Variants in KCNIP1 observed in about 807,000 individuals in gnomAD.
The protein encoded by KCNIP1 is A-type potassium channel modulatory protein KCNIP1.
KCNIP1 carries 18 observed loss-of-function variants against 33.0 expected under a neutral mutation model. The ratio of observed to expected loss-of-function variants is 0.55; its 90% CI spans 0.38 to 0.81. The LOEUF is 0.81. Ranked by LOEUF, KCNIP1 falls within the 30% of genes least tolerant of loss-of-function variation. KCNIP1 has a pLI of 0.00. For synonymous variants in KCNIP1, 93 were observed against 98.3 expected (o/e 0.95, Z 0.32); for missense variants, 238 against 271.6 (o/e 0.88, Z 0.87).
intron 1 of KCNIP1, among the ~76,000 whole-genome samples, chr5:170,434,072 A>G (rs1755804590): frequency 6.6e-6 from 1 of 152,210 alleles, no homozygotes; most frequent in African/African-American, 2.4e-5. Context: ...AAGAAAAGTG[A>G]CCAAAGCTGA....
chr5:170,731,163 C>T (rs987716725), intron 5 of KCNIP1, among the ~76,000 whole-genome samples: 2 of 152,176 alleles, frequency 1.3e-5, no homozygotes, highest in Admixed American at 6.5e-5. Flanking sequence ...GGAAACTTGA[C>T]AGACACCACC....
exon 1 of KCNIP1, chr5:170,353,756 C>A: frequency 2.4e-6 from 2 of 843,124 alleles, no homozygotes; most frequent in Non-Finnish European, 3.8e-6. Context: ...AGCCTGGCTT[C>A]AGGGGTGCAT....
intron 1 of KCNIP1, among the ~76,000 whole-genome samples, chr5:170,461,164 C>T (rs538895495): frequency 2.9e-4 from 44 of 152,264 alleles, no homozygotes; most frequent in Non-Finnish European, 4.9e-4. Flanking sequence ...TCATAGATGA[C>T]ACAGACAAAT....
At chr5:170,468,984 T>C (rs1279981560) in intron 1 of KCNIP1, among the ~76,000 whole-genome samples, 1 of 152,080 alleles carries the variant, frequency 6.6e-6, no homozygotes, top group African/African-American at 2.4e-5. Flanking sequence ...TCATTACAAG[T>C]TCCTTGTGTT....
At chr5:170,707,338 G>A (rs4349730) in intron 1 of KCNIP1, among the ~76,000 whole-genome samples, 37,463 of 152,002 alleles carry the variant, frequency 0.25, 5,894 homozygotes, top group East Asian at 0.82. Flanking sequence ...GTGAGGGCAC[G>A]TGAGAGTCCC....
At chr5:170,397,771 G>C (rs1754799033) in intron 1 of KCNIP1, among the ~76,000 whole-genome samples, 2 of 152,198 alleles carry the variant, frequency 1.3e-5, no homozygotes, top group Non-Finnish European at 2.9e-5. Flanking sequence ...GAGACCTTGA[G>C]AATATGTGCC....
chr5:170,647,734 A>G (rs1324103053), intron 1 of KCNIP1, among the ~76,000 whole-genome samples: 4 of 152,238 alleles, frequency 2.6e-5, no homozygotes, highest in African/African-American at 9.6e-5. Context: ...CTTTCTAGAT[A>G]TAACACCAAA....
At chr5:170,693,062 T>C (rs1762773506) in intron 1 of KCNIP1, among the ~76,000 whole-genome samples, 1 of 152,254 alleles carries the variant, frequency 6.6e-6, no homozygotes, top group Non-Finnish European at 1.5e-5. Flanking sequence ...AGTAGAAATT[T>C]GGTGTCCCCA....
At chr5:170,429,335 C>T (rs1755689141) in intron 1 of KCNIP1, among the ~76,000 whole-genome samples, 1 of 152,100 alleles carries the variant, frequency 6.6e-6, no homozygotes, top group Non-Finnish European at 1.5e-5. Context: ...GGAGGCTCAC[C>T]ACAGTCCTAC....
At chr5:170,644,969 G>A (rs4868005) in intron 1 of KCNIP1, among the ~76,000 whole-genome samples, 4 of 152,090 alleles carry the variant, frequency 2.6e-5, no homozygotes, top group African/African-American at 9.7e-5. Flanking sequence ...CTCTCTTGCC[G>A]CAAGGGTCCA....
chr5:170,521,291 A>G lies in KCNIP1; in HGVS notation c.61+16658A>G, dbSNP rs190792534. ...TGCTTCAAGCAGTCACTACCAGTTG[A>G]ACATAGTTGACATGGAAGATAGATG... On this transcript the variant is annotated intron_variant, in intron 1 of 7. Transcript: ENST00000328939. Among the ~76,000 whole-genome samples, 4 of 152,312 alleles carry G rather than the reference A, an allele frequency of 2.6e-5. No individual in the cohort carries two copies. The East Asian group carries it at 7.7e-4, about 29-fold the overall frequency.
At chr5:170,570,193 T>G (rs1757352995) in intron 1 of KCNIP1, among the ~76,000 whole-genome samples, 1 of 152,212 alleles carries the variant, frequency 6.6e-6, no homozygotes, top group African/African-American at 2.4e-5. Context: ...TCACACTCCC[T>G]TATAAAATCC....
At chr5:170,524,066 G>A (rs1195634106) in intron 1 of KCNIP1, among the ~76,000 whole-genome samples, 2 of 152,102 alleles carry the variant, frequency 1.3e-5, no homozygotes, top group Non-Finnish European at 2.9e-5. Context: ...TCTTGTGGTG[G>A]CCTCCTCCCT....
At chr5:170,469,019 A>C (rs991420027) in intron 1 of KCNIP1, among the ~76,000 whole-genome samples, 1 of 152,204 alleles carries the variant, frequency 6.6e-6, no homozygotes, top group Non-Finnish European at 1.5e-5. Context: ...TTATTTGCAT[A>C]AGCATAGAAT....
intron 1 of KCNIP1, among the ~76,000 whole-genome samples, chr5:170,495,773 G>A (rs983611680): frequency 6.6e-6 from 1 of 152,226 alleles, no homozygotes; most frequent in Non-Finnish European, 1.5e-5. Context: ...GTGGTCACAG[G>A]AAATAACAGA....
intron 1 of KCNIP1, among the ~76,000 whole-genome samples, chr5:170,530,262 A>G (rs1351715303): frequency 1.3e-5 from 2 of 152,198 alleles, no homozygotes; most frequent in East Asian, 1.9e-4. Flanking sequence ...CAGGATTATT[A>G]TTGTTGGTAA....
intron 1 of KCNIP1, among the ~76,000 whole-genome samples, chr5:170,552,630 C>A (rs528296835): frequency 6.6e-6 from 1 of 152,224 alleles, no homozygotes; most frequent in African/African-American, 2.4e-5. Flanking sequence ...GTGGTTGGAC[C>A]ACAGGAAATG....
At chr5:170,549,076 G>C (rs1315192307) in intron 1 of KCNIP1, among the ~76,000 whole-genome samples, 1 of 152,036 alleles carries the variant, frequency 6.6e-6, no homozygotes, top group Non-Finnish European at 1.5e-5. Flanking sequence ...AAGCTCTTCT[G>C]CCTTCACTCC....
chr5:170,731,693 CA>C (rs1162447420), intron 5 of KCNIP1, among the ~76,000 whole-genome samples: 140 of 96,744 alleles, frequency 1.4e-3, no homozygotes, highest in East Asian at 2.6e-3. Context: ...GAACCTGTCT[CA>C]AAAAAAAAAA....
Sources: gnomAD v4.1 joint callset for allele counts (sites outside exome capture counted in the v4.1 genomes callset) on GRCh38, gnomAD v4.1.1 for gene constraint, MANE v1.5 for transcripts, NCBI Gene and HGNC (gene_info 2026-07-23, HGNC 2026-07-21) for gene names.